FBXL20: variants seen among roughly 807,000 people sequenced by gnomAD.
FBXL20 encodes the protein F-box/LRR-repeat protein 20.
In FBXL20, 11 loss-of-function variants were observed where a neutral mutation model predicts 64.0. The observed-to-expected ratio is 0.17, with a 90% CI of 0.11 to 0.28. The LOEUF is 0.28. FBXL20 is among the 10% of genes least tolerant of loss of function. The probability of loss-of-function intolerance (pLI) is 1.00; values close to 1 mark genes in which losing one functional copy is unlikely to be tolerated. For synonymous variants in FBXL20, 184 were observed against 189.0 expected, an observed-to-expected ratio of 0.97 and a Z score of 0.22; for missense variants, 303 against 526.2, an observed-to-expected ratio of 0.58 and a Z score of 4.15.
chr17:39,342,807 G>A (rs886264055), intron 2 of FBXL20, among the ~76,000 whole-genome samples: 8 of 151,524 alleles, frequency 5.3e-5, no homozygotes, highest in East Asian at 1.9e-4. Context: ...GCTTGAGCCT[G>A]GGAGGTTGAG....
intron 1 of FBXL20, among the ~76,000 whole-genome samples, chr17:39,362,786 T>A (rs1029473030): frequency 1.3e-5 from 2 of 151,016 alleles, no homozygotes; most frequent in African/African-American, 4.9e-5. Flanking sequence ...CCAGCTAGTT[T>A]TTTTGTATTT....
chr17:39,319,832 G>C (rs1255475536), intron 2 of FBXL20, among the ~76,000 whole-genome samples: 3 of 151,222 alleles, frequency 2.0e-5, no homozygotes, highest in Non-Finnish European at 4.4e-5. Context: ...GGCTGCTCTC[G>C]AACTCCTGGC....
chr17:39,375,602 TG>T (rs2047959776), intron 1 of FBXL20, among the ~76,000 whole-genome samples: 1 of 152,220 alleles, frequency 6.6e-6, no homozygotes, highest in South Asian at 2.1e-4. Flanking sequence ...TACCCTGACT[TG>T]ATCATTACAC....
chr17:39,279,291 AC>A (rs1036220913), intron 9 of FBXL20, among the ~76,000 whole-genome samples: 1 of 150,988 alleles, frequency 6.6e-6, no homozygotes, highest in Non-Finnish European at 1.5e-5. Context: ...TTGAGCCCAG[AC>A]ATTTGAGACC....
rs557508214 is a variant in FBXL20, at chr17:39,328,445, A to G, written c.104+14735T>C. Among the ~76,000 whole-genome samples, 10 of 152,234 alleles carry G rather than the reference A, an allele frequency of 6.6e-5. 1 individual carries two copies. The East Asian group carries it at 1.9e-3, about 29-fold the overall frequency. ...TGAATGATGGGAACATATTCAAAGG[A>G]CAAAGGACACAGTTGGAAGGGGATC... is the stretch of plus-strand genomic sequence containing the variant. On this transcript the variant is annotated intron_variant, in intron 2 of 14. Transcript: ENST00000264658.
intron 1 of FBXL20, among the ~76,000 whole-genome samples, chr17:39,371,300 T>A (rs538871901): frequency 7.3e-4 from 111 of 152,354 alleles, no homozygotes; most frequent in South Asian, 6.4e-3. Context: ...ATACTTTTTT[T>A]AAAAAATCAA....
Position 39,276,084 on chromosome 17 carries a change from T to C in FBXL20, c.697-984A>G, listed in dbSNP as rs565100303. ...CAACATGGTGAAAACCTGTCTCTAC[T>C]AAAAATACAAAAATTAGCCAAGTAT... On this transcript the variant is annotated intron_variant, in intron 9 of 14. Coordinates refer to ENST00000264658, the MANE Select transcript of FBXL20 (RefSeq NM_032875.3). Among the ~76,000 whole-genome samples, 3 of 151,024 alleles carry C rather than the reference T, an allele frequency of 2.0e-5. No individual in the cohort carries two copies. In the East Asian group the frequency reaches 5.9e-4, roughly 30 times the overall value.
At chr17:39,322,860 A>C (rs1439239134) in intron 2 of FBXL20, among the ~76,000 whole-genome samples, 2 of 152,006 alleles carry the variant, frequency 1.3e-5, no homozygotes, top group Non-Finnish European at 2.9e-5. Flanking sequence ...GCTGGAGTGC[A>C]GTGGTGCAAT....
intron 6 of FBXL20, among the ~76,000 whole-genome samples, chr17:39,291,950 C>T (rs2047043346): frequency 6.6e-6 from 1 of 151,196 alleles, no homozygotes; most frequent in Admixed American, 6.6e-5. Context: ...TTAATTTCTA[C>T]TTTAATTTTG....
intron 2 of FBXL20, among the ~76,000 whole-genome samples, chr17:39,317,979 C>T (rs903926916): frequency 6.6e-5 from 10 of 152,046 alleles, no homozygotes; most frequent in Admixed American, 3.3e-4. Context: ...GGATTACAGG[C>T]GTGAGCCACC....
intron 12 of FBXL20, 32 bp downstream of exon 12, chr17:39,268,795 C>T (rs768500528): frequency 1.9e-6 from 3 of 1,585,382 alleles, no homozygotes; most frequent in African/African-American, 1.3e-5. Context: ...GTCTACTATA[C>T]TGTATTTCTG....
At position 39,318,270 on chromosome 17, in the gene FBXL20, T is replaced by G. The variant is rs148125919; in HGVS notation, c.105-14631A>C. Among the ~76,000 whole-genome samples, 55 of 152,252 alleles carry G rather than the reference T, an allele frequency of 3.6e-4. No individual in the cohort carries two copies. In the East Asian group the frequency reaches 9.1e-3, roughly 25 times the overall value. ...AACAAAGGAAGGCAGGTTGAGTTTT[T>G]GGAGTATGCCTAAAGAATGAGAAGC... On this transcript the variant is annotated intron_variant, in intron 2 of 14. Transcript: ENST00000264658.
intron 2 of FBXL20, among the ~76,000 whole-genome samples, chr17:39,307,588 A>C (rs2047194389): frequency 6.6e-6 from 1 of 152,190 alleles, no homozygotes; most frequent in Non-Finnish European, 1.5e-5. Flanking sequence ...TGACTCCTTA[A>C]AACAATTCTA....
At chr17:39,379,869 C>G (rs936278886) in intron 1 of FBXL20, among the ~76,000 whole-genome samples, 2 of 152,002 alleles carry the variant, frequency 1.3e-5, no homozygotes, top group African/African-American at 2.4e-5. Context: ...GTCCCAGTTA[C>G]TCAGGAGGCT....
rs1240540008 is a variant in FBXL20, at chr17:39,254,977, G to T, written c.*6483C>A. 2.0e-5 allele frequency: 3 copies of T among 152,598 alleles called. No individual in the cohort carries two copies. The East Asian group carries it at 5.6e-4, about 29-fold the overall frequency. The allele number at this position is 152,598 out of a possible 1,614,324, so 9.5% of individuals were successfully genotyped here. On this transcript the variant is annotated 3_prime_UTR_variant, in exon 15 of 15. Coordinates refer to ENST00000264658, the MANE Select transcript of FBXL20 (RefSeq NM_032875.3). ...AGGCAGAGATGGAAGAAGCGCATAT[G>T]GACTTTCTCTTAACATCCCACAGGG...
rs59563317 is a variant in FBXL20, at chr17:39,315,393, T to TTATATATATATATATATATATATATA, written c.105-11755_105-11754insTATATATATATATATATATATATATA. Among the ~76,000 whole-genome samples, 190 of 134,474 alleles carry TTATATATATATATATATATATATATA rather than the reference T, an allele frequency of 1.4e-3. 1 individual carries two copies. Among genetic ancestry groups the TTATATATATATATATATATATATATA allele is most frequent in the African/African-American group, 4.4e-3 (150 of 33,894 alleles). 88.2% of individuals were successfully genotyped at this position (134,474 alleles called of 152,430 possible). On this transcript the variant is annotated intron_variant, in intron 2 of 14. Transcript: ENST00000264658. ...TATTAATGGGCAAAGTTTAAATAAT[T>TTATATATATATATATATATATATATA]TATATATATATATATATATAGTACA...
At chr17:39,277,248 A>G (rs898831764) in intron 9 of FBXL20, among the ~76,000 whole-genome samples, 2 of 152,260 alleles carry the variant, frequency 1.3e-5, no homozygotes, top group African/African-American at 4.8e-5. Context: ...GCAGCTAAAA[A>G]AGTCCCACAC....
chr17:39,373,656 C>G lies in FBXL20; in HGVS notation c.42+27705G>C, dbSNP rs142671044. 2.6e-5 allele frequency among the ~76,000 whole-genome samples: 4 copies of G among 152,270 alleles called. No homozygotes were observed. In the East Asian group the frequency reaches 7.7e-4, roughly 29 times the overall value. ...CATGTTCTTTTATTTCCCTATAATC[C>G]ATAGCACTTTGCTTATAGTTCTGTT... On this transcript the variant is annotated intron_variant, in intron 1 of 14. Transcript: ENST00000264658.
At chr17:39,328,554 C>T (rs142226899) in intron 2 of FBXL20, among the ~76,000 whole-genome samples, 1 of 152,232 alleles carries the variant, frequency 6.6e-6, no homozygotes, top group Non-Finnish European at 1.5e-5. Context: ...TATTAGCAAT[C>T]CATGAATCCA....
Sources: allele counts gnomAD v4.1 joint callset (sites outside exome capture counted in the v4.1 genomes callset), GRCh38; gene constraint gnomAD v4.1.1; transcripts MANE v1.5; gene names NCBI Gene and HGNC (gene_info 2026-07-23, HGNC 2026-07-21).